HECW2: variants seen among roughly 807,000 people sequenced by gnomAD.
The protein encoded by HECW2 is E3 ubiquitin-protein ligase HECW2.
In HECW2, 61 loss-of-function variants were observed where a neutral mutation model predicts 175.2. That is an observed-to-expected ratio of 0.35 (90% CI 0.28 to 0.43). HECW2 has a LOEUF of 0.43. Ranked by LOEUF, HECW2 falls within the 20% of genes least tolerant of loss-of-function variation. HECW2 has a pLI of 1.00. For missense variants in HECW2, 1,524 were observed against 2,000.5 expected, an observed-to-expected ratio of 0.76 and a Z score of 4.54; for synonymous variants, 671 against 731.0, an observed-to-expected ratio of 0.92 and a Z score of 1.32.
intron 1 of HECW2, among the ~76,000 whole-genome samples, chr2:196,526,832 A>G (rs539164596): frequency 6.6e-6 from 1 of 151,722 alleles, no homozygotes; most frequent in African/African-American, 2.4e-5. Context: ...GCAGTCTGCC[A>G]GTTCTCAGAT....
At chr2:196,577,148 G>A (rs1321945887) in intron 1 of HECW2, among the ~76,000 whole-genome samples, 4 of 152,158 alleles carry the variant, frequency 2.6e-5, no homozygotes, top group Non-Finnish European at 4.4e-5. Context: ...TTACAAGGTG[G>A]ATATGTTCCA....
At chr2:196,221,869 T>C (rs1480297399) in intron 24 of HECW2, among the ~76,000 whole-genome samples, 2 of 152,196 alleles carry the variant, frequency 1.3e-5, no homozygotes, top group Non-Finnish European at 2.9e-5. Flanking sequence ...CACCATTCTA[T>C]AAATGCCAAT....
At position 196,347,197 on chromosome 2, in the gene HECW2, C is replaced by T. The variant is rs189343228; in HGVS notation, c.293-3433G>A. Among the ~76,000 whole-genome samples, 496 of 150,788 alleles carry T rather than the reference C, an allele frequency of 3.3e-3. 8 individuals carry two copies. The highest frequency in any genetic ancestry group is 0.014 in the East Asian group (69 of 5,020). On this transcript the variant is annotated intron_variant, in intron 2 of 28. Coordinates refer to ENST00000644978, the MANE Select transcript of HECW2 (RefSeq NM_001348768.2). ...CCTCCCGAGTAGCTGGGATTACAGG[C>T]GCCTGCCACCACGCCCAGCTAATTT...
intron 19 of HECW2, among the ~76,000 whole-genome samples, chr2:196,250,876 G>A (rs956874585): frequency 2.6e-5 from 4 of 152,048 alleles, no homozygotes; most frequent in African/African-American, 9.7e-5. Context: ...CAGATTTCGT[G>A]AAAAGAGCAT....
rs763826261 is a variant in HECW2 at position 196,292,548 on chromosome 2, C to T, written c.3000+17G>A. The T allele has an allele frequency of 8.0e-5, 129 of 1,603,698 alleles. No individual in the cohort carries two copies. The highest frequency in any genetic ancestry group is 1.1e-4 in the Non-Finnish European group (128 of 1,173,022). On this transcript the variant is annotated intron_variant, in intron 14 of 28. Coordinates refer to ENST00000644978, the MANE Select transcript of HECW2 (RefSeq NM_001348768.2). ...CACAGGCATTTGGCACTCCCTGAGGCATCTCCCTCGTGTTACCTTGCCCTG... is the reference window on the plus strand; with the variant it reads ...CACAGGCATTTGGCACTCCCTGAGGTATCTCCCTCGTGTTACCTTGCCCTG...
chr2:196,319,899 A>G lies in HECW2; in HGVS notation c.991T>C (p.Ser331Pro), dbSNP rs777141696. ...EVTSSVHEDA[S>P]PEAVGTILGV... Reference sequence around the variant, plus strand: ...AGTATTGTGCCAACAGCTTCTGGAGAGGCATCTGAATGAGAAAACAGCATT... The same window carrying G: ...AGTATTGTGCCAACAGCTTCTGGAGGGGCATCTGAATGAGAAAACAGCATT... The change falls in exon 9 of 29, where the codon TCT becomes CCT. Residue 331 changes from serine to proline, a missense_variant. Ser to Pro is a moderately conservative substitution (Grantham distance 74). This residue lies in a region of HECW2 where 604 missense variants were observed against 588.3 expected (regional missense o/e 1.03). Coordinates refer to ENST00000644978, the MANE Select transcript of HECW2 (RefSeq NM_001348768.2). 2.5e-6 allele frequency: 4 copies of G among 1,586,842 alleles called. No individual in the cohort carries two copies. The South Asian group carries it at 4.5e-5, about 18-fold the overall frequency.
chr2:196,421,328 G>A (rs1425775371), intron 2 of HECW2, among the ~76,000 whole-genome samples: 1 of 152,120 alleles, frequency 6.6e-6, no homozygotes, highest in African/African-American at 2.4e-5. Flanking sequence ...ATGATTTACA[G>A]CAGATAAATC....
intron 2 of HECW2, among the ~76,000 whole-genome samples, chr2:196,353,349 C>T (rs189528299): frequency 3.9e-5 from 6 of 152,352 alleles, no homozygotes; most frequent in Non-Finnish European, 7.3e-5. Flanking sequence ...TCTTACTTTG[C>T]TCAATTTCCT....
At chr2:196,286,551 C>G (rs1254522737) in intron 14 of HECW2, among the ~76,000 whole-genome samples, 2 of 152,074 alleles carry the variant, frequency 1.3e-5, no homozygotes, top group African/African-American at 4.8e-5. Flanking sequence ...TTTTCTCATT[C>G]AAAAAGGTAC....
At chr2:196,327,796 G>C (rs1389310683) in intron 5 of HECW2, among the ~76,000 whole-genome samples, 1 of 152,214 alleles carries the variant, frequency 6.6e-6, no homozygotes, top group African/African-American at 2.4e-5. Flanking sequence ...CATGTGAATA[G>C]AGGTGCGATG....
At chr2:196,335,185 T>G (rs1037973918) in intron 3 of HECW2, among the ~76,000 whole-genome samples, 4 of 152,220 alleles carry the variant, frequency 2.6e-5, no homozygotes, top group Non-Finnish European at 5.9e-5. Context: ...TGTCTATATC[T>G]CACAGCTTGT....
chr2:196,474,380 G>T (rs1334979879), intron 1 of HECW2, among the ~76,000 whole-genome samples: 1 of 152,190 alleles, frequency 6.6e-6, no homozygotes. Context: ...GGCAGAAGTA[G>T]AAATGGAGGT....
intron 3 of HECW2, among the ~76,000 whole-genome samples, chr2:196,339,773 T>C (rs540510727): frequency 9.2e-5 from 14 of 152,232 alleles, no homozygotes; most frequent in Non-Finnish European, 1.5e-4. Context: ...AAATGACCCA[T>C]TCAGGTTCTG....
intron 2 of HECW2, among the ~76,000 whole-genome samples, chr2:196,364,496 C>A (rs1289902628): frequency 6.6e-6 from 1 of 152,144 alleles, no homozygotes; most frequent in Admixed American, 6.5e-5. Flanking sequence ...GAAGGTATAT[C>A]CAGAGTATCA....
chr2:196,215,745 C>CCTTA, intron 28 of HECW2, 120 bp downstream of exon 28: 5 of 678,316 alleles, frequency 7.4e-6, no homozygotes, highest in Non-Finnish European at 1.2e-5. Flanking sequence ...GAAATTCATT[C>CCTTA]TAAGAGCTTT....
rs149764323 is a variant in HECW2, at chr2:196,220,907, T to C, written c.4181A>G (p.Asn1394Ser). ...TERELKPGGANIPVTEKNKKE... is the reference protein window; with the variant it reads ...TERELKPGGASIPVTEKNKKE... The stretch of plus-strand genomic sequence containing the variant: ...CTTGTTCTTCTCTGTAACTGGGATA[T>C]TGGCACCCCCTGGCTTTAATTCTCG... The change falls in exon 25 of 29, where the codon AAT becomes AGT. Residue 1394 changes from asparagine (N) to serine (S), a missense_variant. By Grantham distance (46) the Asn-to-Ser change is conservative (BLOSUM62 1). Coordinates refer to ENST00000644978, the MANE Select transcript of HECW2 (RefSeq NM_001348768.2). 5.9e-4 allele frequency: 950 copies of C among 1,614,132 alleles called. 1 individual carries two copies. Among genetic ancestry groups the C allele is most frequent in the Non-Finnish European group, 7.2e-4 (853 of 1,179,986 alleles).
intron 1 of HECW2, among the ~76,000 whole-genome samples, chr2:196,544,714 G>C (rs1394267200): frequency 6.6e-6 from 1 of 152,176 alleles, no homozygotes; most frequent in East Asian, 1.9e-4. Context: ...CAGATGACAG[G>C]TCCAATCAGT....
chr2:196,352,942 A>T (rs1202513587), intron 2 of HECW2, among the ~76,000 whole-genome samples: 1 of 152,210 alleles, frequency 6.6e-6, no homozygotes, highest in African/African-American at 2.4e-5. Context: ...AACACACGTC[A>T]CACTGGCATA....
intron 1 of HECW2, among the ~76,000 whole-genome samples, chr2:196,480,241 T>C (rs1286585183): frequency 6.6e-6 from 1 of 152,230 alleles, no homozygotes; most frequent in Non-Finnish European, 1.5e-5. Context: ...ACTTCTTTAA[T>C]ATAAGATTTC....
Sources: allele counts gnomAD v4.1 joint callset (sites outside exome capture counted in the v4.1 genomes callset), GRCh38; gene constraint gnomAD v4.1.1; regional missense constraint gnomAD v4.1.1; transcripts MANE v1.5; gene names NCBI Gene and HGNC (gene_info 2026-07-23, HGNC 2026-07-21).